The following ACY3 variants were observed in gnomAD, a reference collection of about 807,000 sequenced individuals.
The protein encoded by ACY3 is aminoacylase 3.
In ACY3, 20 loss-of-function variants were observed where a neutral mutation model predicts 24.6. The ratio of observed to expected loss-of-function variants is 0.81; its 90% CI spans 0.57 to 1.18. The LOEUF (loss-of-function observed/expected upper bound fraction) is 1.18. Ranked by LOEUF, ACY3 falls within the 50% of genes most tolerant of loss-of-function variation. The pLI, the probability that ACY3 is intolerant of heterozygous loss-of-function variation, is 0.00. For synonymous variants in ACY3, 174 were observed against 188.4 expected, an observed-to-expected ratio of 0.92 and a Z score of 0.62; for missense variants, 423 against 426.8, an observed-to-expected ratio of 0.99 and a Z score of 0.08.
intron 3 of ACY3, among the ~76,000 whole-genome samples, chr11:67,646,118 T>C (rs1159604030): frequency 6.6e-6 from 1 of 152,184 alleles, no homozygotes; most frequent in Non-Finnish European, 1.5e-5. Flanking sequence ...GCCTGCCCAC[T>C]TGCCTGCCTC....
chr11:67,645,876 G>T lies in ACY3; in HGVS notation c.248C>A (p.Thr83Asn). Residue 83 changes from threonine (T) to asparagine (N), a missense_variant, in exon 4 of 8, where the codon ACC (threonine) becomes AAC (asparagine). Physicochemically the swap from Thr to Asn is moderately conservative, Grantham distance 65. Coordinates refer to ENST00000255082, the MANE Select transcript of ACY3 (RefSeq NM_080658.2). ...FTSSFLNSRPTPDDPYEVTRA... is the reference protein window; with the variant it reads ...FTSSFLNSRPNPDDPYEVTRA... ...TGTCACCTCATATGGGTCGTCCGGG[G>T]TGGGCCTGGAACTGTGGAGACGGGA... The T allele has an allele frequency of 1.9e-6, 3 of 1,604,852 alleles. No homozygotes were observed. The highest frequency in any genetic ancestry group is 2.6e-6 in the Non-Finnish European group (3 of 1,174,998).
intron 1 of ACY3, among the ~76,000 whole-genome samples, chr11:67,650,135 G>A (rs1855600759): frequency 6.6e-6 from 1 of 152,176 alleles, no homozygotes; most frequent in African/African-American, 2.4e-5. Context: ...CAGCATGAGT[G>A]AGGGCAGAGG....
chr11:67,647,107 G>T, intron 2 of ACY3, 44 bp from the exon 3 acceptor site: 1 of 1,363,770 alleles, frequency 7.3e-7, no homozygotes, highest in Non-Finnish European at 9.7e-7. Context: ...CGATGCAAGG[G>T]ATCTGGGCTC....
intron 2 of ACY3, 38 bp from the exon 3 acceptor site, chr11:67,647,101 G>T: frequency 7.2e-7 from 1 of 1,381,850 alleles, no homozygotes; most frequent in Non-Finnish European, 9.6e-7. Context: ...TGGCCCCGAT[G>T]CAAGGGATCT....
At chr11:67,644,621 C>T (rs1855471322) in intron 7 of ACY3, 139 bp downstream of exon 7, 2 of 799,594 alleles carry the variant, frequency 2.5e-6, no homozygotes, top group South Asian at 1.7e-5. Flanking sequence ...CATCCTGCTC[C>T]TCAACCCGAG....
rs1298131999 is a variant in ACY3 at position 67,645,163 on chromosome 11, G to A, written c.527-11C>T. ...GGCCCAGCTCCAGACCTGGGGACCA[G>A]GAAGCAAGGGGTTAGGCAGGTGCAG... On this transcript the variant is annotated splice_polypyrimidine_tract_variant and intron_variant, in intron 5 of 7. Coordinates refer to ENST00000255082, the MANE Select transcript of ACY3 (RefSeq NM_080658.2). 6.2e-7 allele frequency: 1 copy of A among 1,610,430 alleles called. No individual in the cohort carries two copies. The highest frequency in any genetic ancestry group is 1.1e-5 in the South Asian group (1 of 90,844).
intron 1 of ACY3, among the ~76,000 whole-genome samples, chr11:67,648,782 C>T (rs371482350): frequency 1.3e-5 from 2 of 152,192 alleles, no homozygotes; most frequent in South Asian, 2.1e-4. Context: ...CCCAAGGCTT[C>T]GTGAGCTCAG....
At chr11:67,643,183 C>T (rs560280341) in intron 7 of ACY3, among the ~76,000 whole-genome samples, 22 of 152,338 alleles carry the variant, frequency 1.4e-4, no homozygotes, top group African/African-American at 3.8e-4. Context: ...CTCATGGATA[C>T]GGGCACAGGT....
At chr11:67,646,709 G>A (rs1855522384) in intron 3 of ACY3, 99 bp downstream of exon 3, 1 of 1,152,188 alleles carries the variant, frequency 8.7e-7, no homozygotes, top group African/African-American at 1.5e-5. Context: ...GGAAGCAGGA[G>A]TGAAGGCAGG....
rs764510797 is a variant in ACY3, at chr11:67,645,695, C to T, written c.429G>A (p.Leu143=). The T allele has an allele frequency of 3.8e-6, 6 of 1,599,724 alleles. No individual in the cohort carries two copies. In the African/African-American group the frequency reaches 6.7e-5, roughly 18 times the overall value. ...GTGTGCTTGGGGCCGGGGCCACCTG[C>T]AGATGGCGGCACAGGTGCATGGCAA... is the stretch of plus-strand genomic sequence containing the variant. ...EVFAMHLCRH[L]QLQYPELSCQ... is the part of the protein sequence containing the mutation. Residue 143 remains leucine (L), a synonymous_variant, in exon 4 of 8, where the codon CTG becomes CTA. Transcript: ENST00000255082.
In ACY3 at chr11:67,644,743, C is replaced by CAA; in HGVS notation, c.744+16_744+17insTT. On this transcript the variant is annotated intron_variant, in intron 7 of 7. Coordinates refer to ENST00000255082, the MANE Select transcript of ACY3 (RefSeq NM_080658.2). ...GAAATCACCCCCCACCACACACACA[C>CAA]ACACACACACACACACCTGCAGCTG... is the stretch of plus-strand genomic sequence containing the variant. 1 of 1,545,838 alleles carries CAA rather than the reference C, an allele frequency of 6.5e-7. No homozygotes were observed. The highest frequency in any genetic ancestry group is 8.7e-7 in the Non-Finnish European group (1 of 1,145,012).
Position 67,642,794 on chromosome 11 carries a change from T to C in ACY3, c.890A>G (p.Gln297Arg), listed in dbSNP as rs1213072575. The C allele has an allele frequency of 1.2e-6, 2 of 1,614,020 alleles. No homozygotes were observed. Among genetic ancestry groups the C allele is most frequent in the Non-Finnish European group, 1.7e-6 (2 of 1,180,042 alleles). ...CACGGTGAATGTGAACTTCTCAGTC[T>C]GGACAAAGGCAACGCCCTTCTCATA... ...AYYEKGVAFV[Q>R]TEKFTFTVPA... Residue 297 changes from glutamine (Q) to arginine (R), a missense_variant, in exon 8 of 8, where the codon CAG (glutamine) becomes CGG (arginine). Gln to Arg is a conservative substitution (Grantham distance 43, BLOSUM62 1). Transcript: ENST00000255082.
At chr11:67,648,524 G>C (rs1855557815) in intron 1 of ACY3, among the ~76,000 whole-genome samples, 1 of 152,180 alleles carries the variant, frequency 6.6e-6, no homozygotes, top group Non-Finnish European at 1.5e-5. Context: ...AGTGAGGCAA[G>C]CTGCTCCGCC....
chr11:67,645,368 C>T lies in ACY3; in HGVS notation c.445G>A (p.Glu149Lys), dbSNP rs76819752. 1,601 of 1,613,378 alleles carry T rather than the reference C, an allele frequency of 9.9e-4. 8 individuals are homozygous for T. The African/African-American group carries it at 0.016, about 16-fold the overall frequency. The change falls in exon 5 of 8, where the codon GAG (glutamate) becomes AAG (lysine). Residue 149 changes from glutamate to lysine, a missense_variant. Physicochemically the swap from Glu to Lys is moderately conservative, Grantham distance 56 (BLOSUM62 1). Coordinates refer to ENST00000255082, the MANE Select transcript of ACY3 (RefSeq NM_080658.2). ...TACAGGAAGACCTGGCAGGACAGCT[C>T]GGGGTACTGCAGCTGGGGGCGAGAG... Reference protein sequence around the residue: ...LCRHLQLQYPELSCQVFLYQR... With the variant: ...LCRHLQLQYPKLSCQVFLYQR...
At chr11:67,645,223 G>C in intron 5 of ACY3, 64 bp downstream of exon 5, 3 of 1,605,744 alleles carry the variant, frequency 1.9e-6, no homozygotes, top group Non-Finnish European at 1.7e-6. Context: ...CCTGCCCCTT[G>C]GTGACTGGAC....
chr11:67,645,813 G>A lies in ACY3; in HGVS notation c.311C>T (p.Ala104Val), dbSNP rs1286040034. ...GACAAAGTCAAAGGCCTGGCCCGAGGCCTTGGGCCCCAGCAGCTGGTTCAG... is the reference window on the plus strand; with the variant it reads ...GACAAAGTCAAAGGCCTGGCCCGAGACCTTGGGCCCCAGCAGCTGGTTCAG... ...RELNQLLGPKASGQAFDFVLD... is the reference protein window; with the variant it reads ...RELNQLLGPKVSGQAFDFVLD... Residue 104 changes from alanine to valine, a missense_variant, in exon 4 of 8, where the codon GCC becomes GTC. By Grantham distance (64) the Ala-to-Val change is moderately conservative (BLOSUM62 0). Transcript: ENST00000255082. 6.2e-6 allele frequency: 10 copies of A among 1,613,756 alleles called. No individual in the cohort carries two copies. Among genetic ancestry groups the A allele is most frequent in the Non-Finnish European group, 8.5e-6 (10 of 1,179,896 alleles).
At position 67,642,825 on chromosome 11, in the gene ACY3, C is replaced by G; in HGVS notation, c.859G>C (p.Ala287Pro). 6.2e-7 allele frequency: 1 copy of G among 1,614,148 alleles called. No individual in the cohort carries two copies. Among genetic ancestry groups the G allele is most frequent in the Non-Finnish European group, 8.5e-7 (1 of 1,180,032 alleles). Residue 287 changes from alanine to proline, a missense_variant, in exon 8 of 8, where the codon GCC (alanine) becomes CCC (proline). Transcript: ENST00000255082. ...AAGGCAACGCCCTTCTCATAGTAGG[C>G]AGCCTCGTTAATGAACACGGGGTAC... Reference protein sequence around the residue: ...TVYPVFINEAAYYEKGVAFVQ... With the variant: ...TVYPVFINEAPYYEKGVAFVQ...
At chr11:67,643,052 C>A in intron 7 of ACY3, 113 bp from the exon 8 acceptor site, 2 of 899,788 alleles carry the variant, frequency 2.2e-6, no homozygotes, top group South Asian at 3.1e-5. Flanking sequence ...GCTTTTCCCA[C>A]CCATGCTTCA....
chr11:67,647,817 C>A (rs554010265), intron 1 of ACY3, among the ~76,000 whole-genome samples: 1 of 152,250 alleles, frequency 6.6e-6, no homozygotes, highest in Non-Finnish European at 1.5e-5. Context: ...CCCAGAGGGG[C>A]CACCTTCCTT....
Sources: gnomAD v4.1 joint callset for allele counts (sites outside exome capture counted in the v4.1 genomes callset) on GRCh38, gnomAD v4.1.1 for gene constraint, MANE v1.5 for transcripts, NCBI Gene and HGNC (gene_info 2026-07-23, HGNC 2026-07-21) for gene names.